DIAPH2: variants seen among roughly 807,000 people sequenced by gnomAD.
DIAPH2 encodes the protein protein diaphanous homolog 2.
Under a neutral mutation model 92.7 loss-of-function variants are expected in DIAPH2, and 35 were observed. The observed-to-expected ratio is 0.38, with a 90% CI of 0.29 to 0.50. The LOEUF (loss-of-function observed/expected upper bound fraction) is 0.50, where lower values mean the gene tolerates loss of function less well. Among genes scored for constraint, DIAPH2 ranks in the 20% least tolerant of loss-of-function variants. The pLI is 0.94. For missense variants in DIAPH2, 701 were observed against 819.5 expected, an observed-to-expected ratio of 0.86 and a Z score of 1.77; for synonymous variants, 301 against 280.4, an observed-to-expected ratio of 1.07 and a Z score of -0.73.
At chrX:97,191,287 C>A (rs946976056) in intron 22 of DIAPH2, among the ~76,000 whole-genome samples, 9 of 106,639 alleles carry the variant, frequency 8.4e-5, no homozygotes, top group Non-Finnish European at 1.7e-4. Context: ...AAGATCATGC[C>A]ATTGCACTCC....
chrX:97,383,240 T>C (rs969550120), intron 24 of DIAPH2, among the ~76,000 whole-genome samples: 2 of 111,825 alleles, frequency 1.8e-5, no homozygotes, highest in African/African-American at 6.5e-5. Flanking sequence ...GGTATTTCTT[T>C]TCTGTGATAA....
chrX:97,423,878 A>G (rs760901444), intron 25 of DIAPH2, among the ~76,000 whole-genome samples: 1 of 111,549 alleles, frequency 9.0e-6, no homozygotes, highest in Admixed American at 9.6e-5. Context: ...CACATAAACA[A>G]TTTTTTTTCT....
chrX:96,732,265 T>C (rs746782106), intron 1 of DIAPH2, among the ~76,000 whole-genome samples: 1 of 112,013 alleles, frequency 8.9e-6, no homozygotes, highest in East Asian at 2.8e-4. Context: ...GCAGAAATGA[T>C]TTCGTTTTGT....
intron 22 of DIAPH2, among the ~76,000 whole-genome samples, chrX:97,156,373 C>T (rs1338295342): frequency 8.9e-6 from 1 of 111,815 alleles, no homozygotes; most frequent in African/African-American, 3.2e-5. Flanking sequence ...TAGAATTCTC[C>T]GTATTGACAG....
At chrX:97,359,489 C>T (rs916417452) in intron 24 of DIAPH2, among the ~76,000 whole-genome samples, 1 of 107,326 alleles carries the variant, frequency 9.3e-6, no homozygotes, top group Non-Finnish European at 1.9e-5. Context: ...TTGTTTCTGT[C>T]ATCCTCTTCT....
At chrX:97,127,113 T>C (rs1005219245) in intron 21 of DIAPH2, among the ~76,000 whole-genome samples, 3 of 112,237 alleles carry the variant, frequency 2.7e-5, no homozygotes, top group African/African-American at 9.7e-5. Context: ...GTACTACTTA[T>C]AACTATTGTA....
intron 24 of DIAPH2, among the ~76,000 whole-genome samples, chrX:97,366,694 A>G (rs2069384513): frequency 8.9e-6 from 1 of 111,765 alleles, no homozygotes. Flanking sequence ...CATACCTTCA[A>G]ACATCTTTCT....
chrX:97,456,568 C>T (rs1264843409), intron 26 of DIAPH2, among the ~76,000 whole-genome samples: 1 of 111,377 alleles, frequency 9.0e-6, no homozygotes, highest in African/African-American at 3.3e-5. Context: ...GGCACTAATA[C>T]CCATTGATGA....
intron 5 of DIAPH2, among the ~76,000 whole-genome samples, chrX:96,883,744 G>A (rs970773533): frequency 9.0e-6 from 1 of 110,868 alleles, no homozygotes; most frequent in Non-Finnish European, 1.9e-5. Flanking sequence ...CAGTAACTAC[G>A]GTGGTGCATT....
chrX:97,289,296 A>G (rs1186480022), intron 23 of DIAPH2, among the ~76,000 whole-genome samples: 1 of 112,316 alleles, frequency 8.9e-6, no homozygotes, highest in African/African-American at 3.2e-5. Flanking sequence ...ATTCAGAAAT[A>G]TTCAAGATAA....
Position 97,603,376 on chromosome X carries a change from G to A in DIAPH2, c.*4059G>A, listed in dbSNP as rs932273612. The A allele has an allele frequency of 9.0e-6, 1 of 110,976 alleles. No homozygotes were observed. The highest frequency in any genetic ancestry group is 1.9e-5 in the Non-Finnish European group (1 of 53,014). 9.1% of individuals were successfully genotyped at this position (110,976 alleles called of 1,213,427 possible). A position where few individuals can be genotyped will look rare whatever the true frequency, so the allele number is the denominator to read the frequency against. ...AGGCTCAAGGGATCCTCCTGCATCA[G>A]CCTTCCAAGTAGCTGGGTCTACAGG... On this transcript the variant is annotated 3_prime_UTR_variant, in exon 27 of 27. Coordinates refer to ENST00000324765, the MANE Select transcript of DIAPH2 (RefSeq NM_006729.5).
chrX:97,435,248 A>C (rs1160122052), intron 26 of DIAPH2, among the ~76,000 whole-genome samples: 1 of 111,942 alleles, frequency 8.9e-6, no homozygotes, highest in Non-Finnish European at 1.9e-5. Context: ...GTGAGGCTAT[A>C]GGGAAAGATC....
intron 25 of DIAPH2, among the ~76,000 whole-genome samples, chrX:97,402,603 T>A (rs1285759970): frequency 9.0e-6 from 1 of 111,656 alleles, no homozygotes; most frequent in Non-Finnish European, 1.9e-5. Flanking sequence ...GGAAAGGAAA[T>A]CTGAAGCTAC....
At chrX:96,802,117 T>C (rs2064587178) in intron 4 of DIAPH2, among the ~76,000 whole-genome samples, 1 of 112,265 alleles carries the variant, frequency 8.9e-6, no homozygotes, top group Non-Finnish European at 1.9e-5. Context: ...ATAAAATAAA[T>C]CACAGAGTAT....
chrX:96,900,352 A>G (rs1312164772), intron 5 of DIAPH2, among the ~76,000 whole-genome samples: 1 of 111,220 alleles, frequency 9.0e-6, no homozygotes, highest in Non-Finnish European at 1.9e-5. Flanking sequence ...TTCATTTATC[A>G]GATCTAGGAG....
At chrX:97,117,449 A>G (rs1569305301) in intron 21 of DIAPH2, among the ~76,000 whole-genome samples, 2 of 112,067 alleles carry the variant, frequency 1.8e-5, no homozygotes, top group Non-Finnish European at 3.8e-5. Flanking sequence ...TTCTTAAAGA[A>G]AATAGCAGGG....
At chrX:97,278,096 G>A (rs1336531954) in intron 23 of DIAPH2, among the ~76,000 whole-genome samples, 2 of 111,776 alleles carry the variant, frequency 1.8e-5, no homozygotes, top group Admixed American at 9.5e-5. Flanking sequence ...CGCGTGCCTC[G>A]GCCTCCCAAA....
intron 7 of DIAPH2, 85 bp downstream of exon 7, chrX:96,912,637 T>A: frequency 2.0e-6 from 2 of 1,013,234 alleles, no homozygotes; most frequent in Non-Finnish European, 1.3e-6. Flanking sequence ...AAAATATTTT[T>A]TTATTATTTT....
chrX:97,160,324 G>T (rs2067359449), intron 22 of DIAPH2, among the ~76,000 whole-genome samples: 1 of 112,082 alleles, frequency 8.9e-6, no homozygotes. Flanking sequence ...TATAGAACCG[G>T]AAGAGAACAG....
Sources: gnomAD v4.1 joint callset for allele counts (sites outside exome capture counted in the v4.1 genomes callset) on GRCh38, gnomAD v4.1.1 for gene constraint, MANE v1.5 for transcripts, NCBI Gene and HGNC (gene_info 2026-07-23, HGNC 2026-07-21) for gene names.